Variants in RELN observed in about 807,000 individuals in gnomAD.
RELN encodes reelin.
Under a neutral mutation model 427.6 loss-of-function variants are expected in RELN, and 108 were observed. That is an observed-to-expected ratio of 0.25 (90% CI 0.22 to 0.30). RELN has a LOEUF of 0.30. Among genes scored for constraint, RELN ranks in the 10% least tolerant of loss-of-function variants. The pLI, the probability that RELN is intolerant of heterozygous loss-of-function variation, is 1.00. For synonymous variants in RELN, 1,524 were observed against 1,513.4 expected, an observed-to-expected ratio of 1.01 and a Z score of -0.16; for missense variants, 3,715 against 4,302.8, an observed-to-expected ratio of 0.86 and a Z score of 3.82.
intron 3 of RELN, among the ~76,000 whole-genome samples, chr7:103,828,417 C>T (rs1469905023): frequency 3.2e-4 from 49 of 151,592 alleles, no homozygotes; most frequent in Non-Finnish European, 8.8e-5. Flanking sequence ...TTCTTGCTGA[C>T]CTAAGTTCAT....
intron 28 of RELN, among the ~76,000 whole-genome samples, chr7:103,585,937 A>G (rs2117230666): frequency 6.6e-6 from 1 of 152,356 alleles, no homozygotes; most frequent in South Asian, 2.1e-4. Context: ...CCACATAAAC[A>G]GAACTAAAAA....
intron 20 of RELN, among the ~76,000 whole-genome samples, chr7:103,622,732 G>A (rs1832248140): frequency 6.6e-6 from 1 of 151,870 alleles, no homozygotes; most frequent in African/African-American, 2.4e-5. Flanking sequence ...ACCTAAAATA[G>A]CTCCACTCTC....
chr7:103,500,037 A>G (rs116649093), intron 53 of RELN, among the ~76,000 whole-genome samples: 2,315 of 152,256 alleles, frequency 0.015, 58 homozygotes, highest in African/African-American at 0.053. Context: ...AACAGGTTTG[A>G]TTTACATTGT....
At chr7:103,853,256 C>G (rs1370787269) in intron 2 of RELN, among the ~76,000 whole-genome samples, 1 of 152,044 alleles carries the variant, frequency 6.6e-6, no homozygotes, top group Non-Finnish European at 1.5e-5. Flanking sequence ...AATACACATT[C>G]ACTTGAAAGA....
At chr7:103,839,530 T>G (rs192835718) in intron 2 of RELN, among the ~76,000 whole-genome samples, 2 of 152,092 alleles carry the variant, frequency 1.3e-5, no homozygotes, top group East Asian at 3.8e-4. Flanking sequence ...GAGAACATAG[T>G]CCTTGCCCTG....
chr7:103,500,856 C>T lies in RELN; in HGVS notation c.8556G>A (p.Leu2852=), dbSNP rs1170783287. 1.2e-6 allele frequency: 2 copies of T among 1,614,076 alleles called. No individual in the cohort carries two copies. Among genetic ancestry groups the T allele is most frequent in the Non-Finnish European group, 1.7e-6 (2 of 1,179,970 alleles). Residue 2852 remains leucine (L), a synonymous_variant, in exon 53 of 65, where the codon CTG becomes CTA. Transcript: ENST00000428762. Reference sequence around the variant, plus strand: ...TGCAGTTGTCCAAGCATCCAGGGCCCAGGTAGAAATTATCGATTGCCCACT... The same window carrying T: ...TGCAGTTGTCCAAGCATCCAGGGCCTAGGTAGAAATTATCGATTGCCCACT... ...DMQWAIDNFY[L]GPGCLDNCRG... is the part of the protein sequence containing the mutation.
intron 2 of RELN, among the ~76,000 whole-genome samples, chr7:103,895,189 G>A (rs1306541900): frequency 2.0e-5 from 3 of 152,036 alleles, no homozygotes; most frequent in East Asian, 3.8e-4. Flanking sequence ...AGAACTCAGT[G>A]ATTATTTAAA....
intron 24 of RELN, among the ~76,000 whole-genome samples, chr7:103,598,527 G>A (rs1490971407): frequency 6.6e-6 from 1 of 152,176 alleles, no homozygotes; most frequent in Non-Finnish European, 1.5e-5. Flanking sequence ...AAGATCTAAG[G>A]TGAGGGGAAT....
chr7:103,835,209 T>A (rs1224821956), intron 2 of RELN, among the ~76,000 whole-genome samples: 1 of 152,134 alleles, frequency 6.6e-6, no homozygotes. Flanking sequence ...GGCTACATAG[T>A]GTATAATTCC....
Position 103,914,440 on chromosome 7 carries a change from C to T in RELN, c.337+2635G>A, listed in dbSNP as rs188150743. Among the ~76,000 whole-genome samples, 1,035 of 152,156 alleles carry T rather than the reference C, an allele frequency of 6.8e-3. 19 individuals carry two copies. Among genetic ancestry groups the T allele is most frequent in the African/African-American group, 0.024 (984 of 41,532 alleles). Reference sequence around the variant, plus strand: ...CAACCTATATATCCCAGATTAATTACATTTCAGAACTGGTTTTTTCTTTTT... The same window carrying T: ...CAACCTATATATCCCAGATTAATTATATTTCAGAACTGGTTTTTTCTTTTT... On this transcript the variant is annotated intron_variant, in intron 2 of 64. Transcript: ENST00000428762.
rs1791990875 is a variant in RELN, at chr7:103,785,379, T to C, written c.474-8752A>G. ...AAGAAAATCCTAGTAAAAAACAATGTTTTCTGCTGGATATGAATTAAACAG... is the reference window on the plus strand; with the variant it reads ...AAGAAAATCCTAGTAAAAAACAATGCTTTCTGCTGGATATGAATTAAACAG... On this transcript the variant is annotated intron_variant, in intron 3 of 64. Transcript: ENST00000428762. 2.0e-5 allele frequency among the ~76,000 whole-genome samples: 3 copies of C among 152,140 alleles called. 1 individual carries two copies. The South Asian group carries it at 6.2e-4, about 32-fold the overall frequency.
At position 103,724,881 on chromosome 7, in the gene RELN, A is replaced by T. The variant is rs1790165837; in HGVS notation, c.754-1690T>A. 2.0e-5 allele frequency among the ~76,000 whole-genome samples: 3 copies of T among 151,832 alleles called. No homozygotes were observed. The South Asian group carries it at 6.2e-4, about 31-fold the overall frequency. ...TATTCACCTATATTTATACTTGAGT[A>T]TTATAAATAAATATAAATTATACCT... On this transcript the variant is annotated intron_variant, in intron 7 of 64. Transcript: ENST00000428762.
chr7:103,915,640 A>G (rs993328765), intron 2 of RELN, among the ~76,000 whole-genome samples: 2 of 151,878 alleles, frequency 1.3e-5, no homozygotes, highest in African/African-American at 2.4e-5. Flanking sequence ...AGACAGCTTT[A>G]AAAAATCACC....
chr7:103,861,490 C>G (rs192131320), intron 2 of RELN, among the ~76,000 whole-genome samples: 36 of 152,214 alleles, frequency 2.4e-4, no homozygotes, highest in South Asian at 2.1e-4. Flanking sequence ...GAGAGTGGCA[C>G]GCTGCCTGAC....
rs1465340505 is a variant in RELN, at chr7:103,596,762, A to C, written c.3334-101T>G. ...ACATGGACATCTTAGCACTATGTGGAAATGGTCTCGTCCCCATTTATTGTG... is the reference window on the plus strand; with the variant it reads ...ACATGGACATCTTAGCACTATGTGGCAATGGTCTCGTCCCCATTTATTGTG... On this transcript the variant is annotated intron_variant, in intron 24 of 64. Transcript: ENST00000428762. The C allele has an allele frequency of 8.0e-6, 8 of 1,000,956 alleles. No individual in the cohort carries two copies. In the East Asian group the frequency reaches 2.0e-4, roughly 25 times the overall value. The allele number at this position is 1,000,956 out of a possible 1,614,324, so 62.0% of individuals were successfully genotyped here. A position where few individuals can be genotyped will look rare whatever the true frequency, so the allele number is the denominator to read the frequency against.
At chr7:103,562,524 T>A (rs1307254640) in intron 34 of RELN, among the ~76,000 whole-genome samples, 1 of 152,236 alleles carries the variant, frequency 6.6e-6, no homozygotes, top group Non-Finnish European at 1.5e-5. Flanking sequence ...TTATTTGCAA[T>A]CTGTTATTTG....
At position 103,953,735 on chromosome 7, in the gene RELN, C is replaced by A. The variant is rs1157599478; in HGVS notation, c.226+35396G>T. 6.6e-6 allele frequency among the ~76,000 whole-genome samples: 1 copy of A among 151,952 alleles called. No individual in the cohort carries two copies. The highest frequency in any genetic ancestry group is 1.9e-4 in the East Asian group (1 of 5,172). On this transcript the variant is annotated intron_variant, in intron 1 of 64. Transcript: ENST00000428762. This position sits in a 1 kb window ranked among gnomAD's most constrained non-coding sequence, Gnocchi z 4.3. ...ATCACCTGAGGTCAGGAGTTTGAGA[C>A]CAGCCTTGCCAACATGGTGAAACCC...
At chr7:103,623,167 T>C (rs1290785779) in intron 20 of RELN, among the ~76,000 whole-genome samples, 3 of 152,218 alleles carry the variant, frequency 2.0e-5, no homozygotes, top group African/African-American at 4.8e-5. Flanking sequence ...CATTTGCCAC[T>C]CAATGTATTT....
intron 46 of RELN, among the ~76,000 whole-genome samples, chr7:103,531,923 C>T (rs189079290): frequency 7.5e-4 from 114 of 152,230 alleles, no homozygotes; most frequent in Non-Finnish European, 1.3e-3. Flanking sequence ...AAACGGCATT[C>T]GACCCAGCAA....
Sources: gnomAD v4.1 joint callset for allele counts (sites outside exome capture counted in the v4.1 genomes callset) on GRCh38, gnomAD v4.1.1 for gene constraint, Gnocchi (gnomAD v3.1) non-coding constraint, MANE v1.5 for transcripts, NCBI Gene and HGNC (gene_info 2026-07-23, HGNC 2026-07-21) for gene names.